PITPNM2: variants seen among roughly 807,000 people sequenced by gnomAD.
The protein encoded by PITPNM2 is membrane-associated phosphatidylinositol transfer protein 2.
Under a neutral mutation model 132.2 loss-of-function variants are expected in PITPNM2, and 35 were observed. That is an observed-to-expected ratio of 0.26 (90% CI 0.20 to 0.35). The LOEUF (loss-of-function observed/expected upper bound fraction) is 0.35, where lower values mean the gene tolerates loss of function less well. Among genes scored for constraint, PITPNM2 ranks in the 10% least tolerant of loss-of-function variants. The pLI is 1.00. For missense variants in PITPNM2, 1,332 were observed against 1,912.0 expected, an observed-to-expected ratio of 0.70 and a Z score of 5.66; for synonymous variants, 738 against 799.2, an observed-to-expected ratio of 0.92 and a Z score of 1.29.
chr12:123,114,297 G>A (rs1316280424), intron 1 of PITPNM2, among the ~76,000 whole-genome samples: 1 of 151,912 alleles, frequency 6.6e-6, no homozygotes, highest in Admixed American at 6.6e-5. Flanking sequence ...AAACTCAAAA[G>A]GATAAAATGG....
At chr12:123,030,839 T>A (rs1482685818) in intron 3 of PITPNM2, among the ~76,000 whole-genome samples, 1 of 152,182 alleles carries the variant, frequency 6.6e-6, no homozygotes, top group Admixed American at 6.5e-5. Flanking sequence ...ACACATGCTA[T>A]GACATGGATG....
intron 1 of PITPNM2, among the ~76,000 whole-genome samples, chr12:123,118,451 T>C (rs886231543): frequency 2.6e-5 from 4 of 152,182 alleles, no homozygotes; most frequent in Admixed American, 2.0e-4. Context: ...AGGCTCTAAA[T>C]TGAGAACAAT....
At chr12:123,107,914 C>T (rs1470550873) in intron 2 of PITPNM2, among the ~76,000 whole-genome samples, 2 of 152,178 alleles carry the variant, frequency 1.3e-5, no homozygotes, top group African/African-American at 4.8e-5. Context: ...GCCAAGAATT[C>T]TGAGGTCCAA....
chr12:123,093,291 CT>C (rs905158027), intron 2 of PITPNM2, among the ~76,000 whole-genome samples: 1 of 151,868 alleles, frequency 6.6e-6, no homozygotes, highest in African/African-American at 2.4e-5. Context: ...TTAAAAAAAC[CT>C]TTATTTATTT....
intron 2 of PITPNM2, among the ~76,000 whole-genome samples, chr12:123,071,049 A>T (rs1468014956): frequency 6.6e-6 from 1 of 152,196 alleles, no homozygotes; most frequent in Non-Finnish European, 1.5e-5. Context: ...GGAACTCAGG[A>T]AAGCTGCCCT....
intron 2 of PITPNM2, among the ~76,000 whole-genome samples, chr12:123,070,715 A>T (rs1318231529): frequency 6.6e-6 from 1 of 152,186 alleles, no homozygotes; most frequent in Non-Finnish European, 1.5e-5. Flanking sequence ...TCTTCCAAGG[A>T]GGAGCTGGGG....
intron 5 of PITPNM2, among the ~76,000 whole-genome samples, chr12:123,010,470 G>C (rs1437444681): frequency 6.6e-6 from 1 of 152,148 alleles, no homozygotes; most frequent in Admixed American, 6.5e-5. Flanking sequence ...AAGGCAATGA[G>C]GAAACACTGG....
At position 123,064,001 on chromosome 12, in the gene PITPNM2, C is replaced by T. The variant is rs1469578495; in HGVS notation, c.-95-29316G>A. 2.0e-5 allele frequency among the ~76,000 whole-genome samples: 3 copies of T among 151,822 alleles called. No individual in the cohort carries two copies. The highest frequency in any genetic ancestry group is 2.1e-4 in the South Asian group (1 of 4,794). ...ACAACACCCAAGCAACAGCAGCAGCCGCTATTATTACTATAATGATGATGG... is the reference window on the plus strand; with the variant it reads ...ACAACACCCAAGCAACAGCAGCAGCTGCTATTATTACTATAATGATGATGG... On this transcript the variant is annotated intron_variant, in intron 2 of 25. Coordinates refer to ENST00000320201, the MANE Select transcript of PITPNM2 (RefSeq NM_020845.3). The surrounding 1 kb of genome is among the most constrained non-coding windows in gnomAD (Gnocchi z 4.0).
chr12:123,035,526 G>A (rs1357903757), intron 2 of PITPNM2, among the ~76,000 whole-genome samples: 1 of 152,068 alleles, frequency 6.6e-6, no homozygotes. Flanking sequence ...ATTAGCCGCA[G>A]GTGGTGGCAG....
chr12:123,120,546 TTCACTGTCAG>T (rs1425318284), intron 1 of PITPNM2, among the ~76,000 whole-genome samples: 2 of 152,170 alleles, frequency 1.3e-5, no homozygotes, highest in Non-Finnish European at 2.9e-5. Context: ...ATAAAGCTAA[TTCACTGTCAG>T]TCACACCCTG....
chr12:123,113,738 G>T (rs1455265110), intron 1 of PITPNM2, among the ~76,000 whole-genome samples: 3 of 151,828 alleles, frequency 2.0e-5, no homozygotes, highest in Non-Finnish European at 2.9e-5. Flanking sequence ...AAGTATATAG[G>T]TCTACGGTTA....
intron 1 of PITPNM2, among the ~76,000 whole-genome samples, chr12:123,149,082 G>A (rs146494304): frequency 6.6e-6 from 1 of 152,178 alleles, no homozygotes; most frequent in Admixed American, 6.5e-5. Context: ...AATTCTTTCA[G>A]ATTCCATAAG....
In PITPNM2 at chr12:123,005,153, T is replaced by C. The variant is rs1489482062; in HGVS notation, c.952+87A>G. On this transcript the variant is annotated intron_variant, in intron 7 of 25. Coordinates refer to ENST00000320201, the MANE Select transcript of PITPNM2 (RefSeq NM_020845.3). This position sits in a 1 kb window ranked among gnomAD's most constrained non-coding sequence, Gnocchi z 6.2. Reference sequence around the variant, plus strand: ...CCTCAATGTCCATGGGAAAGAACTCTGAGGAGGTGCAGTGATCCAGCAGTG... The same window carrying C: ...CCTCAATGTCCATGGGAAAGAACTCCGAGGAGGTGCAGTGATCCAGCAGTG... The C allele has an allele frequency of 4.8e-6, 7 of 1,460,114 alleles. No individual in the cohort carries two copies. Among genetic ancestry groups the C allele is most frequent in the Non-Finnish European group, 6.5e-6 (7 of 1,072,640 alleles). The allele number at this position is 1,460,114 out of a possible 1,614,324, so 90.4% of individuals were successfully genotyped here. A position where few individuals can be genotyped will look rare whatever the true frequency, so the allele number is the denominator to read the frequency against.
Position 123,150,280 on chromosome 12 carries a change from C to G in PITPNM2, c.-200+473G>C, listed in dbSNP as rs1270871518. Among the ~76,000 whole-genome samples the G allele has an allele frequency of 6.6e-6, 1 of 151,876 alleles. No homozygotes were observed. ...GGGCCACACCCCAACCCTGGGCCCCCGACAAGCAGAGGCCACGGCCCGGGC... is the reference window on the plus strand; with the variant it reads ...GGGCCACACCCCAACCCTGGGCCCCGGACAAGCAGAGGCCACGGCCCGGGC... On this transcript the variant is annotated intron_variant, in intron 1 of 25. Transcript: ENST00000320201. The surrounding 1 kb of genome is among the most constrained non-coding windows in gnomAD (Gnocchi z 6.0).
chr12:122,986,706 G>C lies in PITPNM2; in HGVS notation c.3537C>G (p.Asp1179Glu). Residue 1179 changes from aspartate (D) to glutamate (E), a missense_variant, in exon 24 of 26, where the codon GAC becomes GAG. Asp to Glu is a conservative substitution (Grantham distance 45). Coordinates refer to ENST00000320201, the MANE Select transcript of PITPNM2 (RefSeq NM_020845.3). ...NFPHGVVSFCDGLVHDPLRHK... is the reference protein window; with the variant it reads ...NFPHGVVSFCEGLVHDPLRHK... ...GCCGCAGCGGGTCATGCACCAGGCC[G>C]TCACAGAAGGACACCACGCCATGGG... The C allele has an allele frequency of 6.2e-7, 1 of 1,613,484 alleles. No homozygotes were observed. Among genetic ancestry groups the C allele is most frequent in the East Asian group, 2.2e-5 (1 of 44,878 alleles).
intron 2 of PITPNM2, among the ~76,000 whole-genome samples, chr12:123,102,206 G>T (rs866962485): frequency 6.6e-6 from 1 of 152,216 alleles, no homozygotes; most frequent in South Asian, 2.1e-4. Context: ...GGAGAGGAAG[G>T]AAAGTGCTGA....
In PITPNM2 at chr12:123,064,833, C is replaced by G. The variant is rs1395599330; in HGVS notation, c.-95-30148G>C. On this transcript the variant is annotated intron_variant, in intron 2 of 25. Coordinates refer to ENST00000320201, the MANE Select transcript of PITPNM2 (RefSeq NM_020845.3). This position sits in a 1 kb window ranked among gnomAD's most constrained non-coding sequence, Gnocchi z 4.0. ...AGTGACTAGCTCTGGGGCCAGACCA[C>G]GTTCACATTCAAGCCTTGTCTTTGA... is the stretch of plus-strand genomic sequence containing the variant. 6.6e-6 allele frequency among the ~76,000 whole-genome samples: 1 copy of G among 152,352 alleles called. No individual in the cohort carries two copies. The highest frequency in any genetic ancestry group is 2.4e-5 in the African/African-American group (1 of 41,594).
intron 2 of PITPNM2, among the ~76,000 whole-genome samples, chr12:123,039,379 C>A (rs922820414): frequency 3.9e-5 from 6 of 152,180 alleles, no homozygotes; most frequent in Non-Finnish European, 8.8e-5. Flanking sequence ...ATGAACACGG[C>A]ATTGATATTT....
At position 123,150,331 on chromosome 12, in the gene PITPNM2, A is replaced by T. The variant is rs1017451773; in HGVS notation, c.-200+422T>A. Among the ~76,000 whole-genome samples the T allele has an allele frequency of 6.6e-6, 1 of 151,762 alleles. No homozygotes were observed. Among genetic ancestry groups the T allele is most frequent in the Non-Finnish European group, 1.5e-5 (1 of 67,906 alleles). On this transcript the variant is annotated intron_variant, in intron 1 of 25. Coordinates refer to ENST00000320201, the MANE Select transcript of PITPNM2 (RefSeq NM_020845.3). This position sits in a 1 kb window ranked among gnomAD's most constrained non-coding sequence, Gnocchi z 6.0. ...CTGGGGACGTTCAGCTGGAGGCGGG[A>T]AGCAGAGAAGGCGGGCCGGGGGCTC...
Sources: gnomAD v4.1 joint callset for allele counts (sites outside exome capture counted in the v4.1 genomes callset) on GRCh38, gnomAD v4.1.1 for gene constraint, Gnocchi (gnomAD v3.1) non-coding constraint, MANE v1.5 for transcripts, NCBI Gene and HGNC (gene_info 2026-07-23, HGNC 2026-07-21) for gene names.